The following PAMR1 variants were observed in gnomAD, a reference collection of about 807,000 sequenced individuals.
PAMR1 encodes the protein peptidase domain containing associated with muscle regeneration 1.
Under a neutral mutation model 81.8 loss-of-function variants are expected in PAMR1, and 88 were observed. That is an observed-to-expected ratio of 1.08 (90% CI 0.91 to 1.28). PAMR1 has a LOEUF of 1.28. PAMR1 is among the 50% of genes most tolerant of loss of function. The pLI is 0.00. For missense variants in PAMR1, 935 were observed against 919.7 expected (o/e 1.02, Z -0.21); for synonymous variants, 336 against 345.3 (o/e 0.97, Z 0.30).
At chr11:35,516,826 AG>A (rs1332489820) in intron 1 of PAMR1, among the ~76,000 whole-genome samples, 2 of 152,224 alleles carry the variant, frequency 1.3e-5, no homozygotes, top group Non-Finnish European at 2.9e-5. Context: ...TTTACATTAT[AG>A]TCAAATGTTT....
chr11:35,515,323 A>T (rs1225931580), intron 1 of PAMR1, among the ~76,000 whole-genome samples: 2 of 152,144 alleles, frequency 1.3e-5, no homozygotes, highest in Admixed American at 6.5e-5. Context: ...CAGAAGCCAG[A>T]TTTTCTGTCC....
At position 35,432,826 on chromosome 11, in the gene PAMR1, T is replaced by C; in HGVS notation, c.1693A>G (p.Lys565Glu). ...CTGATACGGGCCTTGTCTAGGAGCT[T>C]CAGGATGGCGATGTCAGCATCAAGC... ...ILLDADIAIL[K>E]LLDKARISTR... The change falls in exon 11 of 11, where the codon AAG becomes GAG. Residue 565 changes from lysine to glutamate, a missense_variant. Transcript: ENST00000619888. 1 of 1,603,914 alleles carries C rather than the reference T, an allele frequency of 6.2e-7. No individual in the cohort carries two copies. The highest frequency in any genetic ancestry group is 1.1e-5 in the South Asian group (1 of 90,978).
Position 35,432,036 on chromosome 11 carries a change from T to C in PAMR1, c.*320A>G. 2 of 309,012 alleles carry C rather than the reference T, an allele frequency of 6.5e-6. No homozygotes were observed. The highest frequency in any genetic ancestry group is 4.3e-5 in the South Asian group (1 of 23,172). 19.1% of individuals were successfully genotyped at this position (309,012 alleles called of 1,614,324 possible). On this transcript the variant is annotated 3_prime_UTR_variant, in exon 11 of 11. Transcript: ENST00000619888. ...CCCAGATCTTCCCTGGTCAAGCTGA[T>C]GGCATTCGTATAACTGAAAGTTGGG...
chr11:35,504,584 C>T (rs996623037), intron 1 of PAMR1, among the ~76,000 whole-genome samples: 2 of 152,050 alleles, frequency 1.3e-5, no homozygotes, highest in African/African-American at 4.8e-5. Flanking sequence ...TTGGGGTTCT[C>T]TATTTCTTCC....
intron 6 of PAMR1, among the ~76,000 whole-genome samples, chr11:35,459,664 C>A (rs897720836): frequency 3.9e-5 from 6 of 152,178 alleles, no homozygotes; most frequent in Non-Finnish European, 8.8e-5. Flanking sequence ...GGAGATCCCA[C>A]CCAGTTCCTG....
intron 3 of PAMR1, among the ~76,000 whole-genome samples, chr11:35,490,666 T>G (rs1850605789): frequency 6.6e-6 from 1 of 152,226 alleles, no homozygotes; most frequent in South Asian, 2.1e-4. Context: ...GTTTTATTTC[T>G]GAATCACCTA....
chr11:35,443,368 C>A (rs1856218992), intron 6 of PAMR1, among the ~76,000 whole-genome samples: 1 of 152,144 alleles, frequency 6.6e-6, no homozygotes, highest in Non-Finnish European at 1.5e-5. Flanking sequence ...CCCCTCACAA[C>A]CCCCTGATAG....
chr11:35,501,927 T>C (rs1850854059), intron 1 of PAMR1, among the ~76,000 whole-genome samples: 1 of 152,200 alleles, frequency 6.6e-6, no homozygotes. Context: ...TATATTTCCT[T>C]TTGGATATAT....
intron 3 of PAMR1, among the ~76,000 whole-genome samples, chr11:35,479,411 T>G (rs939124762): frequency 6.6e-6 from 1 of 152,236 alleles, no homozygotes; most frequent in Non-Finnish European, 1.5e-5. Context: ...CTCACTTGTC[T>G]TAGGGATTAA....
chr11:35,490,167 T>C (rs1485266720), intron 3 of PAMR1, among the ~76,000 whole-genome samples: 1 of 152,206 alleles, frequency 6.6e-6, no homozygotes, highest in Admixed American at 6.5e-5. Flanking sequence ...ACTTATTCAC[T>C]ACCATGAGAA....
chr11:35,478,835 C>CGTGT (rs111660645), intron 3 of PAMR1, among the ~76,000 whole-genome samples: 2,218 of 149,688 alleles, frequency 0.015, 30 homozygotes, highest in East Asian at 0.051. Context: ...GGTGTGTGGG[C>CGTGT]GTGTGTGTGT....
intron 3 of PAMR1, among the ~76,000 whole-genome samples, chr11:35,485,884 A>G (rs1223604257): frequency 6.6e-6 from 1 of 152,206 alleles, no homozygotes; most frequent in Non-Finnish European, 1.5e-5. Flanking sequence ...CTTGGGCGCC[A>G]TCTAGTGGGA....
intron 6 of PAMR1, among the ~76,000 whole-genome samples, chr11:35,459,187 C>T (rs1444401233): frequency 1.3e-5 from 2 of 152,178 alleles, no homozygotes; most frequent in African/African-American, 4.8e-5. Flanking sequence ...TGTCCTTGGG[C>T]ATGGTACACT....
At chr11:35,463,146 T>A (rs543381555) in intron 6 of PAMR1, among the ~76,000 whole-genome samples, 1 of 152,200 alleles carries the variant, frequency 6.6e-6, no homozygotes, top group Non-Finnish European at 1.5e-5. Flanking sequence ...AAGTTCCTAA[T>A]TGTTTATTCT....
intron 1 of PAMR1, among the ~76,000 whole-genome samples, chr11:35,524,375 T>C (rs1205970430): frequency 6.6e-6 from 1 of 152,180 alleles, no homozygotes; most frequent in Non-Finnish European, 1.5e-5. Context: ...GGGGGGTTTG[T>C]GTATCTCAGC....
chr11:35,476,199 C>A (rs1391078113), intron 3 of PAMR1, among the ~76,000 whole-genome samples: 3 of 152,132 alleles, frequency 2.0e-5, no homozygotes, highest in Non-Finnish European at 1.5e-5. Flanking sequence ...CATCATCCAC[C>A]AGTTTCCACT....
At chr11:35,504,935 G>A (rs1179680346) in intron 1 of PAMR1, among the ~76,000 whole-genome samples, 1 of 151,364 alleles carries the variant, frequency 6.6e-6, no homozygotes, top group Admixed American at 6.6e-5. Context: ...AGTTCCCTGA[G>A]GTGCATTGTT....
intron 9 of PAMR1, among the ~76,000 whole-genome samples, chr11:35,435,458 T>C (rs1013948965): frequency 3.5e-4 from 54 of 152,242 alleles, no homozygotes; most frequent in African/African-American, 1.2e-3. Context: ...CCCACCCACC[T>C]TGGGCTCCCA....
intron 1 of PAMR1, among the ~76,000 whole-genome samples, chr11:35,504,764 T>C (rs1850918931): frequency 1.4e-5 from 1 of 71,864 alleles, no homozygotes; most frequent in East Asian, 4.6e-4. Flanking sequence ...GGATTCCTCT[T>C]TTTTTTAATT....
Sources: gnomAD v4.1 joint callset for allele counts (sites outside exome capture counted in the v4.1 genomes callset) on GRCh38, gnomAD v4.1.1 for gene constraint, MANE v1.5 for transcripts, NCBI Gene and HGNC (gene_info 2026-07-23, HGNC 2026-07-21) for gene names.